The following CRY1 variants were observed in gnomAD, a reference collection of about 807,000 sequenced individuals.
CRY1 encodes the protein cryptochrome circadian regulator 1, also known as cryptochrome-1.
Under a neutral mutation model 76.0 loss-of-function variants are expected in CRY1, and 45 were observed. The ratio of observed to expected loss-of-function variants is 0.59; its 90% CI spans 0.47 to 0.76. The LOEUF is 0.76. Among genes scored for constraint, CRY1 ranks in the 30% least tolerant of loss-of-function variants. The pLI is 0.00. For missense variants in CRY1, 587 were observed against 716.4 expected, an observed-to-expected ratio of 0.82 and a Z score of 2.06; for synonymous variants, 248 against 244.0, an observed-to-expected ratio of 1.02 and a Z score of -0.15.
chr12:106,992,732 T>C, intron 12 of CRY1, 55 bp downstream of exon 12: 7 of 1,364,810 alleles, frequency 5.1e-6, no homozygotes, highest in Non-Finnish European at 6.1e-6. Context: ...ATTATCTTAA[T>C]TTATGTTAAT....
intron 2 of CRY1, among the ~76,000 whole-genome samples, chr12:107,005,476 A>C (rs1952362824): frequency 6.6e-6 from 1 of 152,248 alleles, no homozygotes; most frequent in South Asian, 2.1e-4. Context: ...TAGCAAAGCA[A>C]TATGCTTAAA....
chr12:107,060,712 C>A (rs7295219), intron 1 of CRY1, among the ~76,000 whole-genome samples: 1 of 151,942 alleles, frequency 6.6e-6, no homozygotes. Context: ...AAATTTGGGC[C>A]GGGTGTGGTG....
At chr12:107,002,068 G>A in intron 3 of CRY1, 120 bp from the exon 4 acceptor site, 1 of 756,688 alleles carries the variant, frequency 1.3e-6, no homozygotes, top group East Asian at 3.1e-5. Context: ...CTTTGAGGGT[G>A]TTAGCTTGTT....
At chr12:107,069,442 G>A (rs923345346) in intron 1 of CRY1, among the ~76,000 whole-genome samples, 2 of 149,148 alleles carry the variant, frequency 1.3e-5, no homozygotes, top group Non-Finnish European at 3.0e-5. Flanking sequence ...CATATGAAGT[G>A]GTATTGCACT....
chr12:107,035,829 C>T (rs1048807643), intron 1 of CRY1, among the ~76,000 whole-genome samples: 1 of 152,210 alleles, frequency 6.6e-6, no homozygotes, highest in African/African-American at 2.4e-5. Flanking sequence ...AAGATTGCCT[C>T]AGACCATCTC....
intron 2 of CRY1, among the ~76,000 whole-genome samples, chr12:107,013,301 C>T (rs1460191431): frequency 6.6e-6 from 1 of 152,194 alleles, no homozygotes; most frequent in Non-Finnish European, 1.5e-5. Context: ...AGCATTGAGG[C>T]AAGAACCTCC....
In CRY1 at chr12:107,082,911, G is replaced by GT. The variant is rs571134405; in HGVS notation, c.158+9892dup. Among the ~76,000 whole-genome samples, 300 of 152,144 alleles carry GT rather than the reference G, an allele frequency of 2.0e-3. 3 individuals are homozygous for GT. Among genetic ancestry groups the GT allele is most frequent in the African/African-American group, 6.8e-3 (282 of 41,512 alleles). On this transcript the variant is annotated intron_variant, in intron 1 of 12. Transcript: ENST00000008527. ...AAAAAATCAATGAATCCAGGAGCTG[G>GT]TTTTTTGAAAAGATTAACAAAATTG...
chr12:106,998,299 G>A (rs1952256608), intron 7 of CRY1, among the ~76,000 whole-genome samples: 1 of 152,114 alleles, frequency 6.6e-6, no homozygotes, highest in South Asian at 2.1e-4. Context: ...TCCAACCTCT[G>A]CAGTGTTACT....
intron 2 of CRY1, among the ~76,000 whole-genome samples, chr12:107,014,945 T>C (rs1469080624): frequency 6.6e-6 from 1 of 152,120 alleles, no homozygotes; most frequent in Non-Finnish European, 1.5e-5. Context: ...TAGTGCAATC[T>C]CAGCTCACTG....
intron 1 of CRY1, among the ~76,000 whole-genome samples, chr12:107,074,649 G>T (rs1270979294): frequency 6.6e-6 from 1 of 151,998 alleles, no homozygotes; most frequent in Non-Finnish European, 1.5e-5. Context: ...AAATTATTTT[G>T]GTATTACCAT....
At chr12:106,999,343 T>C (rs1455748100) in intron 7 of CRY1, among the ~76,000 whole-genome samples, 2 of 152,162 alleles carry the variant, frequency 1.3e-5, no homozygotes, top group African/African-American at 2.4e-5. Context: ...TGACTTTAGG[T>C]TAATCAATTT....
chr12:107,005,273 T>C, intron 2 of CRY1, 25 bp from the exon 3 acceptor site: 2 of 1,575,352 alleles, frequency 1.3e-6, no homozygotes, highest in Non-Finnish European at 1.7e-6. Flanking sequence ...AGGGGAACAA[T>C]GTACACCAAT....
At chr12:107,012,774 C>G (rs1477287014) in intron 2 of CRY1, among the ~76,000 whole-genome samples, 1 of 152,102 alleles carries the variant, frequency 6.6e-6, no homozygotes, top group Non-Finnish European at 1.5e-5. Context: ...GTTAAAATAT[C>G]AACATTAACA....
In CRY1 at chr12:107,078,458, C is replaced by T. The variant is rs1004524058; in HGVS notation, c.158+14346G>A. ...GGCACTCTCCTGGATCCTCTTTTTA[C>T]CTCTCTGGTTCTCTTTCGCCTCCTT... On this transcript the variant is annotated intron_variant, in intron 1 of 12. Transcript: ENST00000008527. Among the ~76,000 whole-genome samples the T allele has an allele frequency of 2.6e-4, 39 of 152,118 alleles. 2 individuals carry two copies. The highest frequency in any genetic ancestry group is 5.9e-5 in the Non-Finnish European group (4 of 68,008).
intron 1 of CRY1, among the ~76,000 whole-genome samples, chr12:107,028,772 G>A (rs1022608598): frequency 3.9e-5 from 6 of 152,070 alleles, no homozygotes; most frequent in Admixed American, 6.5e-5. Context: ...TGTGTTACTG[G>A]CGACTCAAAC....
chr12:107,065,560 A>C (rs1593534436), intron 1 of CRY1, among the ~76,000 whole-genome samples: 1 of 151,988 alleles, frequency 6.6e-6, no homozygotes, highest in South Asian at 2.1e-4. Flanking sequence ...GCGCCATTGC[A>C]CTCCAGCCTG....
At chr12:107,042,569 T>C (rs1476824414) in intron 1 of CRY1, among the ~76,000 whole-genome samples, 1 of 150,778 alleles carries the variant, frequency 6.6e-6, no homozygotes, top group Non-Finnish European at 1.5e-5. Flanking sequence ...AGGAGCAGTC[T>C]ACAAAATACT....
At chr12:107,008,567 T>C (rs1952400271) in intron 2 of CRY1, among the ~76,000 whole-genome samples, 1 of 152,212 alleles carries the variant, frequency 6.6e-6, no homozygotes, top group Non-Finnish European at 1.5e-5. Context: ...TAAAAGCAAA[T>C]ATCCTTGTTT....
chr12:107,062,831 T>C (rs1486166292), intron 1 of CRY1, among the ~76,000 whole-genome samples: 1 of 152,216 alleles, frequency 6.6e-6, no homozygotes, highest in Admixed American at 6.5e-5. Context: ...TCCAGAACAG[T>C]CCAGTCAATA....
Sources: gnomAD v4.1 joint callset for allele counts (sites outside exome capture counted in the v4.1 genomes callset) on GRCh38, gnomAD v4.1.1 for gene constraint, MANE v1.5 for transcripts, NCBI Gene and HGNC (gene_info 2026-07-23, HGNC 2026-07-21) for gene names.